VSNL1: variants seen among roughly 807,000 people sequenced by gnomAD.
The protein encoded by VSNL1 is visinin-like protein 1.
VSNL1 carries 6 observed loss-of-function variants against 20.4 expected under a neutral mutation model. The ratio of observed to expected loss-of-function variants is 0.29; its 90% CI spans 0.16 to 0.58. The LOEUF is 0.58. Ranked by LOEUF, VSNL1 falls within the 20% of genes least tolerant of loss-of-function variation. VSNL1 has a pLI of 0.90. For synonymous variants in VSNL1, 93 were observed against 86.4 expected, an observed-to-expected ratio of 1.08 and a Z score of -0.42; for missense variants, 100 against 234.5, an observed-to-expected ratio of 0.43 and a Z score of 3.75.
chr2:17,580,980 A>G (rs1432669450), intron 1 of VSNL1, among the ~76,000 whole-genome samples: 1 of 152,216 alleles, frequency 6.6e-6, no homozygotes, highest in East Asian at 1.9e-4. Flanking sequence ...AGATTTTGAT[A>G]TAAATTATGA....
chr2:17,631,200 G>T (rs899562367), intron 2 of VSNL1, among the ~76,000 whole-genome samples: 9 of 151,142 alleles, frequency 6.0e-5, no homozygotes, highest in African/African-American at 2.2e-4. Context: ...AGAGAGAGAG[G>T]AAAGTATTAG....
chr2:17,605,170 G>A (rs1572360296), intron 2 of VSNL1, among the ~76,000 whole-genome samples: 1 of 152,304 alleles, frequency 6.6e-6, no homozygotes, highest in East Asian at 1.9e-4. Context: ...AATGGTAAAG[G>A]TCACTCTAAT....
chr2:17,560,633 G>T (rs1034527783), intron 1 of VSNL1, among the ~76,000 whole-genome samples: 2 of 152,102 alleles, frequency 1.3e-5, no homozygotes, highest in African/African-American at 2.4e-5. Flanking sequence ...GCATATTAAA[G>T]ACTTCAATTT....
At chr2:17,572,195 G>A (rs1258804546) in intron 1 of VSNL1, among the ~76,000 whole-genome samples, 1 of 152,158 alleles carries the variant, frequency 6.6e-6, no homozygotes, top group Admixed American at 6.5e-5. Context: ...GAGAGATATG[G>A]AGGAGCCAAA....
chr2:17,596,910 A>G (rs938409259), intron 2 of VSNL1, among the ~76,000 whole-genome samples: 1 of 152,262 alleles, frequency 6.6e-6, no homozygotes, highest in African/African-American at 2.4e-5. Flanking sequence ...AAGGGAAATG[A>G]AAACTATTTA....
intron 2 of VSNL1, among the ~76,000 whole-genome samples, chr2:17,598,674 G>A (rs1178583085): frequency 6.6e-6 from 1 of 152,164 alleles, no homozygotes; most frequent in African/African-American, 2.4e-5. Context: ...AAACTCTCTT[G>A]GGGTAGCTTT....
At chr2:17,625,054 G>A (rs1808505) in intron 2 of VSNL1, among the ~76,000 whole-genome samples, 37,519 of 152,014 alleles carry the variant, frequency 0.25, 6,047 homozygotes, top group Middle Eastern at 0.49. Context: ...CCCCCATACT[G>A]TTCTTGTGGT....
At chr2:17,591,547 G>T (rs183585202) in intron 1 of VSNL1, among the ~76,000 whole-genome samples, 32 of 152,144 alleles carry the variant, frequency 2.1e-4, no homozygotes, top group South Asian at 4.1e-4. Context: ...TTTTTATTGG[G>T]GAAAAAAGCT....
chr2:17,578,311 G>A (rs1208640868), intron 1 of VSNL1, among the ~76,000 whole-genome samples: 2 of 152,168 alleles, frequency 1.3e-5, no homozygotes, highest in Non-Finnish European at 2.9e-5. Context: ...TGGCTCTTTG[G>A]ATTCTGCCAT....
chr2:17,637,925 C>A (rs1665792120), intron 2 of VSNL1, among the ~76,000 whole-genome samples: 1 of 152,166 alleles, frequency 6.6e-6, no homozygotes, highest in Non-Finnish European at 1.5e-5. Context: ...ATAACTCCCC[C>A]ACGGCCCTGG....
intron 2 of VSNL1, among the ~76,000 whole-genome samples, chr2:17,622,519 AAAAGAAAGAAAGAAAAGAAAGAAAGAAAG>A (rs1665388126): frequency 7.4e-5 from 9 of 121,282 alleles, no homozygotes; most frequent in African/African-American, 2.5e-4. Context: ...AGAAAGAAAG[AAAAGAAAGAAAGAAAAGAAAGAAAGAAAG>A]AAAGAAAGAA....
intron 3 of VSNL1, among the ~76,000 whole-genome samples, chr2:17,650,618 G>GGGAT (rs1326760190): frequency 3.9e-5 from 6 of 152,230 alleles, no homozygotes; most frequent in Non-Finnish European, 8.8e-5. Flanking sequence ...TGGAGCTGGG[G>GGGAT]GGATGCCCCA....
chr2:17,566,278 C>T (rs1663939127), intron 1 of VSNL1, among the ~76,000 whole-genome samples: 1 of 152,012 alleles, frequency 6.6e-6, no homozygotes, highest in Non-Finnish European at 1.5e-5. Flanking sequence ...ATGGAATTGC[C>T]AGATCATGCT....
chr2:17,649,352 C>A lies in VSNL1; in HGVS notation c.163-58C>A. 6.5e-7 allele frequency: 1 copy of A among 1,549,642 alleles called. No individual in the cohort carries two copies. Among genetic ancestry groups the A allele is most frequent in the South Asian group, 1.1e-5 (1 of 89,374 alleles). ...TGTGATGCCGTCATTAGGAACCTAC[C>A]TCGTCGCCCCGATTCCATCCCCTCC... On this transcript the variant is annotated intron_variant, in intron 2 of 3. Coordinates refer to ENST00000295156, the MANE Select transcript of VSNL1 (RefSeq NM_003385.5). The surrounding 1 kb of genome is among the most constrained non-coding windows in gnomAD (Gnocchi z 6.4).
intron 1 of VSNL1, among the ~76,000 whole-genome samples, chr2:17,556,302 C>T (rs1663676393): frequency 6.6e-6 from 1 of 152,138 alleles, no homozygotes; most frequent in Admixed American, 6.5e-5. Context: ...CATGTTTATT[C>T]AACTGAACAA....
intron 2 of VSNL1, among the ~76,000 whole-genome samples, chr2:17,607,262 T>C (rs1352242053): frequency 6.6e-6 from 1 of 152,240 alleles, no homozygotes; most frequent in African/African-American, 2.4e-5. Context: ...GTCTGGGTTA[T>C]AGAGTCTCAA....
At chr2:17,623,557 C>G (rs1665434516) in intron 2 of VSNL1, among the ~76,000 whole-genome samples, 1 of 151,378 alleles carries the variant, frequency 6.6e-6, no homozygotes, top group African/African-American at 2.4e-5. Context: ...GTAGTCCCAG[C>G]TACTCGGGAG....
At chr2:17,547,175 CATAGTTT>C (rs1663423472) in intron 1 of VSNL1, among the ~76,000 whole-genome samples, 2 of 151,866 alleles carry the variant, frequency 1.3e-5, no homozygotes, top group Admixed American at 1.3e-4. Flanking sequence ...TTCCCAGGGC[CATAGTTT>C]ATTAGTTCTG....
chr2:17,599,223 A>T (rs1198991911), intron 2 of VSNL1, among the ~76,000 whole-genome samples: 1 of 152,210 alleles, frequency 6.6e-6, no homozygotes, highest in Non-Finnish European at 1.5e-5. Context: ...CAGGAACAGG[A>T]AAGACAAGGA....
Sources: gnomAD v4.1 joint callset for allele counts (sites outside exome capture counted in the v4.1 genomes callset) on GRCh38, gnomAD v4.1.1 for gene constraint, Gnocchi (gnomAD v3.1) non-coding constraint, MANE v1.5 for transcripts, NCBI Gene and HGNC (gene_info 2026-07-23, HGNC 2026-07-21) for gene names.